The following RGS6 variants were observed in gnomAD, a reference collection of about 807,000 sequenced individuals.
RGS6 encodes the protein regulator of G-protein signaling 6.
A neutral mutation model predicts 78.5 loss-of-function variants in RGS6; 30 were observed. The observed-to-expected ratio is 0.38, with a 90% CI of 0.29 to 0.52. RGS6 has a LOEUF of 0.52. Ranked by LOEUF, RGS6 falls within the 20% of genes least tolerant of loss-of-function variation. The probability of loss-of-function intolerance (pLI) is 0.85; values close to 1 mark genes in which losing one functional copy is unlikely to be tolerated. For missense variants in RGS6, 495 were observed against 609.7 expected, an observed-to-expected ratio of 0.81 and a Z score of 1.98; for synonymous variants, 206 against 206.0, an observed-to-expected ratio of 1.00 and a Z score of 0.00.
At chr14:72,369,814 T>G (rs2083114913) in intron 3 of RGS6, among the ~76,000 whole-genome samples, 1 of 152,194 alleles carries the variant, frequency 6.6e-6, no homozygotes, top group Admixed American at 6.5e-5. Context: ...ATTTCCACGT[T>G]CGTGATGGAA....
rs76601365 is a variant in RGS6, at chr14:72,277,030, T to A, written c.85-75065T>A. ...TCTCCTAAGTGCCTAGAATGGTGCCTGGGATGTAGGAGGTATTCAATCCAT... is the reference window on the plus strand; with the variant it reads ...TCTCCTAAGTGCCTAGAATGGTGCCAGGGATGTAGGAGGTATTCAATCCAT... On this transcript the variant is annotated intron_variant, in intron 2 of 17. Transcript: ENST00000553525. Among the ~76,000 whole-genome samples, 1,036 of 152,332 alleles carry A rather than the reference T, an allele frequency of 6.8e-3. 16 individuals carry two copies. Among genetic ancestry groups the A allele is most frequent in the African/African-American group, 0.024 (992 of 41,568 alleles).
intron 2 of RGS6, among the ~76,000 whole-genome samples, chr14:72,111,481 TAATAG>T (rs2095761055): frequency 6.6e-6 from 1 of 152,208 alleles, no homozygotes; most frequent in South Asian, 2.1e-4. Flanking sequence ...ATTACACATC[TAATAG>T]AATCTTAAAT....
chr14:72,150,592 A>G (rs1351268066), intron 2 of RGS6, among the ~76,000 whole-genome samples: 3 of 152,142 alleles, frequency 2.0e-5, no homozygotes, highest in African/African-American at 7.2e-5. Flanking sequence ...GAAACTTACA[A>G]TCATGGCAGA....
chr14:72,111,455 T>C (rs1370750765), intron 2 of RGS6, among the ~76,000 whole-genome samples: 1 of 152,228 alleles, frequency 6.6e-6, no homozygotes. Context: ...TATTTCTATG[T>C]AATTTCCACT....
chr14:72,217,759 G>C (rs958148376), intron 2 of RGS6, among the ~76,000 whole-genome samples: 2 of 151,946 alleles, frequency 1.3e-5, no homozygotes, highest in African/African-American at 4.8e-5. Context: ...ATTTTTAAGA[G>C]GTTTTATTTT....
chr14:72,468,617 A>G (rs1299309978), intron 7 of RGS6, among the ~76,000 whole-genome samples: 2 of 152,116 alleles, frequency 1.3e-5, no homozygotes, highest in South Asian at 2.1e-4. Context: ...TTACAAAACT[A>G]TATCAGAATC....
chr14:72,277,243 A>G (rs1299804520), intron 2 of RGS6, among the ~76,000 whole-genome samples: 2 of 152,202 alleles, frequency 1.3e-5, no homozygotes, highest in Admixed American at 6.5e-5. Context: ...TCCTGGTACT[A>G]TGCTCATTGA....
At chr14:72,367,955 T>A (rs1159084701) in intron 3 of RGS6, among the ~76,000 whole-genome samples, 1 of 152,234 alleles carries the variant, frequency 6.6e-6, no homozygotes, top group Non-Finnish European at 1.5e-5. Context: ...CTGTCTGAAG[T>A]TAATTCTTTT....
intron 2 of RGS6, among the ~76,000 whole-genome samples, chr14:72,051,314 A>G (rs1449323902): frequency 1.3e-5 from 2 of 152,234 alleles, no homozygotes; most frequent in South Asian, 2.1e-4. Context: ...GGCAATTTCA[A>G]GACAGAAAGC....
At chr14:72,126,207 A>G (rs774204338) in intron 2 of RGS6, among the ~76,000 whole-genome samples, 1 of 152,354 alleles carries the variant, frequency 6.6e-6, no homozygotes, top group East Asian at 1.9e-4. Flanking sequence ...TTTACTTCAC[A>G]TGCTAACTTG....
intron 2 of RGS6, among the ~76,000 whole-genome samples, chr14:72,026,696 G>A (rs2089931362): frequency 6.6e-6 from 1 of 152,208 alleles, no homozygotes; most frequent in Non-Finnish European, 1.5e-5. Flanking sequence ...TAAGCCATCA[G>A]CCATCTGTCC....
intron 2 of RGS6, among the ~76,000 whole-genome samples, chr14:72,152,939 C>T (rs2096715376): frequency 6.6e-6 from 1 of 152,124 alleles, no homozygotes; most frequent in African/African-American, 2.4e-5. Context: ...AGCCAGATTC[C>T]TGCTAGTGTG....
At chr14:72,067,320 A>G (rs2094200104) in intron 2 of RGS6, among the ~76,000 whole-genome samples, 1 of 152,066 alleles carries the variant, frequency 6.6e-6, no homozygotes, top group Non-Finnish European at 1.5e-5. Flanking sequence ...GGGGAGGTGG[A>G]GGACAAGGGG....
intron 2 of RGS6, among the ~76,000 whole-genome samples, chr14:72,047,907 T>G (rs962953441): frequency 1.4e-5 from 2 of 147,628 alleles, no homozygotes; most frequent in African/African-American, 5.0e-5. Flanking sequence ...TGTTTTTTTT[T>G]TTTTTTTTTT....
chr14:71,935,303 G>T (rs1015921180), intron 1 of RGS6, among the ~76,000 whole-genome samples: 1 of 152,080 alleles, frequency 6.6e-6, no homozygotes, highest in Non-Finnish European at 1.5e-5. Context: ...AAAAATAAAG[G>T]TTATCCATAA....
intron 2 of RGS6, among the ~76,000 whole-genome samples, chr14:72,202,358 A>G (rs2041758399): frequency 6.6e-6 from 1 of 152,110 alleles, no homozygotes; most frequent in South Asian, 2.1e-4. Flanking sequence ...ACAAGAGCAT[A>G]TATAGTGCAT....
Position 72,247,112 on chromosome 14 carries a change from A to G in RGS6, c.85-104983A>G, listed in dbSNP as rs572715266. Reference sequence around the variant, plus strand: ...AAAGCCTAAAATAACTTCCGTGAAGACTTGCTGTGATAATTCCAGCTCTTT... The same window carrying G: ...AAAGCCTAAAATAACTTCCGTGAAGGCTTGCTGTGATAATTCCAGCTCTTT... On this transcript the variant is annotated intron_variant, in intron 2 of 17. Transcript: ENST00000553525. 9.7e-4 allele frequency among the ~76,000 whole-genome samples: 148 copies of G among 152,266 alleles called. 2 individuals carry two copies. Among genetic ancestry groups the G allele is most frequent in the Middle Eastern group, 6.8e-3 (2 of 294 alleles).
Position 72,564,150 on chromosome 14 carries a change from AG to A in RGS6, c.*1684del, listed in dbSNP as rs1345195586. The A allele has an allele frequency of 6.6e-6, 1 of 152,230 alleles. No homozygotes were observed. The highest frequency in any genetic ancestry group is 1.5e-5 in the Non-Finnish European group (1 of 68,060). 9.4% of individuals were successfully genotyped at this position (152,230 alleles called of 1,614,324 possible). ...AGGGCACCAGCCTTCTGTCCCTCAC[AG>A]CAGTGCCATCGCGGGCATTAGGAGT... On this transcript the variant is annotated 3_prime_UTR_variant, in exon 18 of 18. Coordinates refer to ENST00000553525, the MANE Select transcript of RGS6 (RefSeq NM_001204424.2).
At chr14:71,950,466 A>C (rs1192897066) in intron 1 of RGS6, among the ~76,000 whole-genome samples, 3 of 152,146 alleles carry the variant, frequency 2.0e-5, no homozygotes, top group Non-Finnish European at 4.4e-5. Flanking sequence ...AACTATAAAA[A>C]CCCTAGAAGA....
Sources: gnomAD v4.1 joint callset for allele counts (sites outside exome capture counted in the v4.1 genomes callset) on GRCh38, gnomAD v4.1.1 for gene constraint, MANE v1.5 for transcripts, NCBI Gene and HGNC (gene_info 2026-07-23, HGNC 2026-07-21) for gene names.